CPED1: variants seen among roughly 807,000 people sequenced by gnomAD.
CPED1 encodes the protein cadherin like and PC-esterase domain containing 1.
Under a neutral mutation model 128.2 loss-of-function variants are expected in CPED1, and 114 were observed. That is an observed-to-expected ratio of 0.89 (90% CI 0.76 to 1.04). The LOEUF (loss-of-function observed/expected upper bound fraction) is 1.04, where lower values mean the gene tolerates loss of function less well. CPED1 is among the 50% of genes least tolerant of loss of function. The pLI, the probability that CPED1 is intolerant of heterozygous loss-of-function variation, is 0.00. For missense variants in CPED1, 1,211 were observed against 1,207.1 expected, an observed-to-expected ratio of 1.00 and a Z score of -0.05; for synonymous variants, 462 against 426.7, an observed-to-expected ratio of 1.08 and a Z score of -1.02.
intron 4 of CPED1, among the ~76,000 whole-genome samples, chr7:121,048,006 T>C (rs959740652): frequency 6.6e-6 from 1 of 152,108 alleles, no homozygotes; most frequent in African/African-American, 2.4e-5. Context: ...CTCTTCACTT[T>C]TTTGGCATTT....
chr7:121,071,807 T>G (rs903325671), intron 5 of CPED1, among the ~76,000 whole-genome samples: 4 of 152,166 alleles, frequency 2.6e-5, no homozygotes, highest in Non-Finnish European at 5.9e-5. Flanking sequence ...CAGCCGAATC[T>G]CATAGCTCTT....
chr7:121,262,316 T>G (rs1042679441), intron 18 of CPED1, among the ~76,000 whole-genome samples: 2 of 152,094 alleles, frequency 1.3e-5, no homozygotes, highest in African/African-American at 4.8e-5. Context: ...GGCATTCTTT[T>G]ATAGTGATGC....
intron 7 of CPED1, among the ~76,000 whole-genome samples, chr7:121,105,808 C>T (rs957934419): frequency 6.6e-6 from 1 of 152,124 alleles, no homozygotes; most frequent in Non-Finnish European, 1.5e-5. Context: ...GCAATTCATT[C>T]ACTCATTCAT....
rs759708084 is a variant in CPED1 at position 121,097,742 on chromosome 7, A to G, written c.660A>G (p.Gly220=). The stretch of plus-strand genomic sequence containing the variant: ...GTCCCTCTGTGTGTCTGGATCAGGG[A>G]ATGCAATTAAAGCCGAGTACTTCGA... ...PVSPSVCLDQ[G]MQLKPSTSSH... Residue 220 remains glycine, a synonymous_variant, in exon 6 of 23, where the codon GGA becomes GGG. Coordinates refer to ENST00000310396, the MANE Select transcript of CPED1 (RefSeq NM_024913.5). The G allele has an allele frequency of 6.2e-7, 1 of 1,613,878 alleles. No individual in the cohort carries two copies. Among genetic ancestry groups the G allele is most frequent in the Non-Finnish European group, 8.5e-7 (1 of 1,179,808 alleles).
At chr7:121,090,837 T>C (rs1356813835) in intron 5 of CPED1, among the ~76,000 whole-genome samples, 1 of 152,024 alleles carries the variant, frequency 6.6e-6, no homozygotes, top group Non-Finnish European at 1.5e-5. Context: ...TAATCCCAGC[T>C]ACTCGAGAGG....
At chr7:121,169,634 G>A (rs568074399) in intron 16 of CPED1, among the ~76,000 whole-genome samples, 3 of 152,104 alleles carry the variant, frequency 2.0e-5, no homozygotes, top group East Asian at 1.9e-4. Flanking sequence ...TTTGCCACTC[G>A]TGTATCCCAG....
Position 121,142,063 on chromosome 7 carries a change from G to C in CPED1, c.1977G>C (p.Thr659=), listed in dbSNP as rs761431649. The change falls in exon 16 of 23, where the codon ACG becomes ACC. Residue 659 remains threonine (T), a synonymous_variant. Transcript: ENST00000310396. The stretch of plus-strand genomic sequence containing the variant: ...CAGCACACGGTGAGACTCTGATCAC[G>C]TACAAACTCACCATCTATAGAGAAG... ...ESPAHGETLI[T]YKLTIYREDR... The C allele has an allele frequency of 6.2e-7, 1 of 1,612,526 alleles. No individual in the cohort carries two copies.
chr7:121,218,040 A>G (rs1423288356), intron 16 of CPED1, among the ~76,000 whole-genome samples: 1 of 150,712 alleles, frequency 6.6e-6, no homozygotes, highest in Admixed American at 6.6e-5. Context: ...GCTGGAGTGC[A>G]GTGGCACAAT....
chr7:121,014,249 C>T (rs967387838), intron 2 of CPED1, among the ~76,000 whole-genome samples: 2 of 152,070 alleles, frequency 1.3e-5, no homozygotes, highest in Non-Finnish European at 2.9e-5. Context: ...ATCTTGTGTT[C>T]CTTAATAAAG....
chr7:121,245,499 A>G (rs529345014), intron 18 of CPED1, among the ~76,000 whole-genome samples: 1 of 152,254 alleles, frequency 6.6e-6, no homozygotes, highest in East Asian at 1.9e-4. Context: ...CCATAATCTC[A>G]TTGTTGAGCA....
intron 16 of CPED1, among the ~76,000 whole-genome samples, chr7:121,199,011 AG>A (rs1797329366): frequency 6.6e-6 from 1 of 152,204 alleles, no homozygotes; most frequent in African/African-American, 2.4e-5. Context: ...ATTCAATGCC[AG>A]GGAATAACTC....
intron 7 of CPED1, among the ~76,000 whole-genome samples, chr7:121,113,834 T>C (rs960646239): frequency 6.6e-6 from 1 of 152,154 alleles, no homozygotes; most frequent in African/African-American, 2.4e-5. Context: ...TTTGAAACTT[T>C]TTTTTTTTCT....
Position 121,016,105 on chromosome 7 carries a change from G to A in CPED1, c.433+257G>A, listed in dbSNP as rs150025168. ...GGAGTTGTATAGTTCATGTTTAAATGCTACATAAAATATGTTCATGTTTAT... is the reference window on the plus strand; with the variant it reads ...GGAGTTGTATAGTTCATGTTTAAATACTACATAAAATATGTTCATGTTTAT... On this transcript the variant is annotated intron_variant, in intron 3 of 22. Coordinates refer to ENST00000310396, the MANE Select transcript of CPED1 (RefSeq NM_024913.5). Among the ~76,000 whole-genome samples the A allele has an allele frequency of 6.1e-4, 93 of 151,900 alleles. 2 individuals carry two copies. In the East Asian group the frequency reaches 0.017, roughly 28 times the overall value.
intron 3 of CPED1, among the ~76,000 whole-genome samples, chr7:121,036,945 G>T (rs1182996952): frequency 6.6e-6 from 1 of 152,020 alleles, no homozygotes; most frequent in Non-Finnish European, 1.5e-5. Context: ...CTTCTTTTGA[G>T]AATTGTCTAT....
At chr7:121,240,591 A>G (rs1798367572) in intron 17 of CPED1, among the ~76,000 whole-genome samples, 1 of 151,962 alleles carries the variant, frequency 6.6e-6, no homozygotes, top group Non-Finnish European at 1.5e-5. Flanking sequence ...ACCAAAGAGG[A>G]TGTGGGGCTG....
In CPED1 at chr7:121,046,947, C is replaced by G. The variant is rs745933422; in HGVS notation, c.494C>G (p.Pro165Arg). 6 of 1,612,812 alleles carry G rather than the reference C, an allele frequency of 3.7e-6. No individual in the cohort carries two copies. In the South Asian group the frequency reaches 6.6e-5, roughly 18 times the overall value. The stretch of plus-strand genomic sequence containing the variant: ...TCTTCTAAGAAAGCAGAAGGAACAC[C>G]CTGTATATCCAAGGAAGTCATGTGC... Reference protein sequence around the residue: ...CLSSKKAEGTPCISKEVMCQL... With the variant: ...CLSSKKAEGTRCISKEVMCQL... The change falls in exon 4 of 23, where the codon CCC becomes CGC. Residue 165 changes from proline to arginine, a missense_variant. Transcript: ENST00000310396.
At chr7:121,080,693 T>G (rs1794264358) in intron 5 of CPED1, among the ~76,000 whole-genome samples, 1 of 138,466 alleles carries the variant, frequency 7.2e-6, no homozygotes, top group Admixed American at 7.9e-5. Context: ...ACTTATGCAT[T>G]TTAAAAACCT....
chr7:121,255,384 C>T (rs554251356), intron 18 of CPED1, among the ~76,000 whole-genome samples: 9 of 151,974 alleles, frequency 5.9e-5, no homozygotes, highest in Admixed American at 3.9e-4. Flanking sequence ...AAACTCTCAA[C>T]AAACTAGGCA....
At chr7:121,110,968 G>A (rs1795093423) in intron 7 of CPED1, among the ~76,000 whole-genome samples, 1 of 152,156 alleles carries the variant, frequency 6.6e-6, no homozygotes, top group Admixed American at 6.5e-5. Context: ...TTGGTGTTGG[G>A]GTGTGAGAGG....
Sources: gnomAD v4.1 joint callset for allele counts (sites outside exome capture counted in the v4.1 genomes callset) on GRCh38, gnomAD v4.1.1 for gene constraint, MANE v1.5 for transcripts, NCBI Gene and HGNC (gene_info 2026-07-23, HGNC 2026-07-21) for gene names.